The following TPTE variants were observed in gnomAD, a reference collection of about 807,000 sequenced individuals.
TPTE encodes transmembrane phosphatase with tensin homology.
TPTE carries 59 observed loss-of-function variants against 84.1 expected under a neutral mutation model. The ratio of observed to expected loss-of-function variants is 0.70; its 90% CI spans 0.57 to 0.87. The LOEUF is 0.87. TPTE is among the 40% of genes least tolerant of loss of function. The pLI, the probability that TPTE is intolerant of heterozygous loss-of-function variation, is 0.00. For synonymous variants in TPTE, 130 were observed against 223.5 expected, an observed-to-expected ratio of 0.58 and a Z score of 3.73; for missense variants, 382 against 659.6, an observed-to-expected ratio of 0.58 and a Z score of 4.61.
At chr21:10,560,348 T>A (rs1003858756) in intron 9 of TPTE, among the ~76,000 whole-genome samples, 2 of 152,310 alleles carry the variant, frequency 1.3e-5, no homozygotes, top group African/African-American at 4.8e-5. Context: ...GAATTAATAA[T>A]ATTTGAATTT....
At chr21:10,529,751 A>C (rs534914078) in intron 3 of TPTE, among the ~76,000 whole-genome samples, 3 of 152,312 alleles carry the variant, frequency 2.0e-5, no homozygotes, top group Non-Finnish European at 4.4e-5. Flanking sequence ...AATATTATTC[A>C]GTTTATAATT....
chr21:10,579,199 CCTGT>C (rs1202649308), intron 17 of TPTE, among the ~76,000 whole-genome samples: 20 of 152,384 alleles, frequency 1.3e-4, no homozygotes, highest in South Asian at 6.2e-4. Flanking sequence ...ACTTATTCTT[CCTGT>C]CTAACTGAAA....
chr21:10,582,653 C>T (rs1407842720), intron 17 of TPTE, among the ~76,000 whole-genome samples: 151 of 151,980 alleles, frequency 9.9e-4, no homozygotes, highest in African/African-American at 3.6e-3. Context: ...TTCATTCCTG[C>T]ACAAATTGTG....
intron 17 of TPTE, among the ~76,000 whole-genome samples, chr21:10,584,337 CTTTTTT>C (rs58211728): frequency 7.0e-6 from 1 of 143,784 alleles, no homozygotes; most frequent in African/African-American, 2.5e-5. Context: ...CCTAAACTCA[CTTTTTT>C]TTTTTTTTTT....
rs556779936 is a variant in TPTE at position 10,548,875 on chromosome 21, G to A, written c.174-3782G>A. On this transcript the variant is annotated intron_variant, in intron 7 of 23. Transcript: ENST00000618007. ...CATCCTGGGCCTGAGAAACTGTCCTGCAAAGCACATCTGGAAGTCATGCCC... is the reference window on the plus strand; with the variant it reads ...CATCCTGGGCCTGAGAAACTGTCCTACAAAGCACATCTGGAAGTCATGCCC... 7.9e-5 allele frequency among the ~76,000 whole-genome samples: 12 copies of A among 152,420 alleles called. No individual in the cohort carries two copies. The South Asian group carries it at 1.2e-3, about 16-fold the overall frequency.
intron 10 of TPTE, among the ~76,000 whole-genome samples, chr21:10,564,047 A>C (rs1033876026): frequency 2.6e-5 from 4 of 152,308 alleles, no homozygotes; most frequent in African/African-American, 9.6e-5. Flanking sequence ...CCAGCTACTC[A>C]GGAGGCTGAG....
chr21:10,593,377 T>A (rs2075522246), intron 19 of TPTE, among the ~76,000 whole-genome samples: 1 of 152,430 alleles, frequency 6.6e-6, no homozygotes, highest in African/African-American at 2.4e-5. Flanking sequence ...TCTTAAAATC[T>A]TTGAAAATTT....
intron 17 of TPTE, among the ~76,000 whole-genome samples, chr21:10,584,268 G>GT (rs1267833726): frequency 1.3e-5 from 2 of 152,214 alleles, no homozygotes; most frequent in Admixed American, 6.5e-5. Context: ...TTTTCTAAAT[G>GT]TTTTTTGTTG....
intron 7 of TPTE, among the ~76,000 whole-genome samples, chr21:10,552,353 T>C (rs2074590647): frequency 6.6e-6 from 1 of 152,300 alleles, no homozygotes; most frequent in South Asian, 2.1e-4. Flanking sequence ...ATATTATTTA[T>C]ATATTATATA....
intron 21 of TPTE, among the ~76,000 whole-genome samples, chr21:10,598,504 T>A (rs1252432873): frequency 6.6e-6 from 1 of 152,308 alleles, no homozygotes; most frequent in Non-Finnish European, 1.5e-5. Flanking sequence ...CTGAGGAGCT[T>A]GTAAAGATTT....
chr21:10,595,855 A>T lies in TPTE; in HGVS notation c.1171-127A>T. 3 of 1,247,820 alleles carry T rather than the reference A, an allele frequency of 2.4e-6. No individual in the cohort carries two copies. In the Middle Eastern group the frequency reaches 8.3e-4, roughly 346 times the overall value. The allele number at this position is 1,247,820 out of a possible 1,614,324, so 77.3% of individuals were successfully genotyped here. Reference sequence around the variant, plus strand: ...ATCCCTAAAAATATCTAGTTATATTATGGCATCCAGTAAATGTTTCCTTAA... The same window carrying T: ...ATCCCTAAAAATATCTAGTTATATTTTGGCATCCAGTAAATGTTTCCTTAA... On this transcript the variant is annotated intron_variant, in intron 19 of 23. Transcript: ENST00000618007.
chr21:10,602,440 C>T (rs1233549229), intron 22 of TPTE, among the ~76,000 whole-genome samples: 1 of 143,826 alleles, frequency 7.0e-6, no homozygotes, highest in Non-Finnish European at 1.5e-5. Context: ...AAAAAAAAAA[C>T]CCCAAAGGTA....
intron 17 of TPTE, among the ~76,000 whole-genome samples, chr21:10,590,051 A>T (rs111408921): frequency 3.9e-5 from 6 of 152,312 alleles, no homozygotes; most frequent in African/African-American, 1.2e-4. Context: ...ATCTACATTT[A>T]TATGTGAGAC....
At chr21:10,572,223 GT>G (rs2075058403) in intron 14 of TPTE, among the ~76,000 whole-genome samples, 1 of 152,312 alleles carries the variant, frequency 6.6e-6, no homozygotes, top group Non-Finnish European at 1.5e-5. Flanking sequence ...GCTGAGGCGG[GT>G]GGATCACTTG....
chr21:10,567,642 A>G (rs2074951650), intron 10 of TPTE, 28 bp from the exon 11 acceptor site: 2 of 1,608,798 alleles, frequency 1.2e-6, no homozygotes, highest in African/African-American at 2.7e-5. Context: ...GGGGGGAATG[A>G]ACTTATTTTT....
chr21:10,566,973 A>G (rs2074933977), intron 10 of TPTE, among the ~76,000 whole-genome samples: 1 of 148,006 alleles, frequency 6.8e-6, no homozygotes, highest in South Asian at 2.1e-4. Flanking sequence ...GTGAAACTCC[A>G]TCTCAAAAAA....
intron 7 of TPTE, among the ~76,000 whole-genome samples, chr21:10,544,477 C>T (rs550036761): frequency 8.5e-5 from 13 of 152,416 alleles, no homozygotes; most frequent in Non-Finnish European, 1.0e-4. Flanking sequence ...CTCCATCTCC[C>T]GGGTTCAAGT....
chr21:10,560,030 G>A (rs552614860), intron 9 of TPTE, among the ~76,000 whole-genome samples: 325 of 152,276 alleles, frequency 2.1e-3, no homozygotes, highest in Non-Finnish European at 3.5e-3. Context: ...GTAGCCATGT[G>A]CCCCATCTAA....
intron 1 of TPTE, among the ~76,000 whole-genome samples, chr21:10,523,632 A>C (rs1335394853): frequency 2.6e-5 from 4 of 152,290 alleles, no homozygotes; most frequent in East Asian, 1.9e-4. Context: ...TGAACTCATC[A>C]TTTTTTATGG....
Sources: allele counts gnomAD v4.1 joint callset (sites outside exome capture counted in the v4.1 genomes callset), GRCh38; gene constraint gnomAD v4.1.1; transcripts MANE v1.5; gene names NCBI Gene and HGNC (gene_info 2026-07-23, HGNC 2026-07-21).